The following MAGI2 variants were observed in gnomAD, a reference collection of about 807,000 sequenced individuals.
MAGI2 encodes the protein membrane-associated guanylate kinase, WW and PDZ domain-containing protein 2.
In MAGI2, 35 loss-of-function variants were observed where a neutral mutation model predicts 133.3. The observed-to-expected ratio is 0.26, with a 90% CI of 0.20 to 0.35. MAGI2 has a LOEUF of 0.35. MAGI2 is among the 10% of genes least tolerant of loss of function. The probability of loss-of-function intolerance (pLI) is 1.00; values close to 1 mark genes in which losing one functional copy is unlikely to be tolerated. For synonymous variants in MAGI2, 729 were observed against 710.6 expected (o/e 1.03, Z -0.41); for missense variants, 1,636 against 1,863.4 (o/e 0.88, Z 2.25).
intron 20 of MAGI2, among the ~76,000 whole-genome samples, chr7:78,105,881 T>C (rs546303721): frequency 1.1e-4 from 17 of 152,230 alleles, no homozygotes; most frequent in African/African-American, 4.1e-4. Flanking sequence ...ATTCTACTTA[T>C]ATTTTTAAAA....
chr7:79,285,994 G>A (rs1835969873), intron 1 of MAGI2, among the ~76,000 whole-genome samples: 1 of 152,064 alleles, frequency 6.6e-6, no homozygotes, highest in South Asian at 2.1e-4. Context: ...CTGACTTCAT[G>A]GGATCTACTG....
intron 1 of MAGI2, among the ~76,000 whole-genome samples, chr7:79,365,837 G>A (rs1253719935): frequency 1.5e-5 from 2 of 129,352 alleles, no homozygotes; most frequent in Non-Finnish European, 3.2e-5. Flanking sequence ...TCCAGCCTGG[G>A]TGATGGGTAA....
intron 1 of MAGI2, among the ~76,000 whole-genome samples, chr7:79,277,612 C>T (rs536924730): frequency 6.6e-6 from 1 of 152,210 alleles, no homozygotes; most frequent in East Asian, 1.9e-4. Context: ...CCTTAAGTGG[C>T]TCACAGTCTG....
intron 1 of MAGI2, among the ~76,000 whole-genome samples, chr7:79,020,820 G>A (rs985875437): frequency 5.9e-5 from 9 of 151,290 alleles, no homozygotes; most frequent in East Asian, 2.0e-4. Flanking sequence ...TAATCGCCAA[G>A]ACAATGGGGA....
intron 6 of MAGI2, among the ~76,000 whole-genome samples, chr7:78,473,367 C>G (rs1404228714): frequency 6.6e-6 from 1 of 152,074 alleles, no homozygotes; most frequent in East Asian, 1.9e-4. Context: ...TGCCTCTGTT[C>G]TCCTACAACT....
intron 6 of MAGI2, chr7:78,485,407 GAAGT>G (rs1792889245): frequency 6.6e-6 from 1 of 151,952 alleles, no homozygotes; most frequent in African/African-American, 2.4e-5. Context: ...GTGAGAGAAG[GAAGT>G]ATGTTTTTAT....
chr7:79,039,893 A>G (rs1811497714), intron 1 of MAGI2, among the ~76,000 whole-genome samples: 1 of 147,766 alleles, frequency 6.8e-6, no homozygotes, highest in Admixed American at 6.8e-5. Context: ...TAATATATAC[A>G]ATGAAATATT....
intron 21 of MAGI2, among the ~76,000 whole-genome samples, chr7:78,025,757 A>C (rs939865108): frequency 6.6e-6 from 1 of 152,226 alleles, no homozygotes; most frequent in Admixed American, 6.5e-5. Context: ...GGAGGAAGCC[A>C]GCCACAGAAA....
intron 9 of MAGI2, among the ~76,000 whole-genome samples, chr7:78,288,672 C>A (rs761002399): frequency 6.6e-6 from 1 of 152,220 alleles, no homozygotes; most frequent in Non-Finnish European, 1.5e-5. Context: ...CCCTGACTCC[C>A]AAGTAGCCTA....
chr7:78,238,098 A>G (rs1790741004), intron 10 of MAGI2, among the ~76,000 whole-genome samples: 2 of 151,962 alleles, frequency 1.3e-5, no homozygotes, highest in Admixed American at 1.3e-4. Flanking sequence ...CTTCCTCACA[A>G]GTTATGTGTT....
At chr7:78,125,008 C>T (rs546701508) in intron 20 of MAGI2, among the ~76,000 whole-genome samples, 77 of 152,110 alleles carry the variant, frequency 5.1e-4, no homozygotes, top group Non-Finnish European at 9.0e-4. Context: ...GGACTACAGG[C>T]GCCCGCCACC....
intron 21 of MAGI2, among the ~76,000 whole-genome samples, chr7:78,053,063 CA>C (rs1563057638): frequency 1.3e-5 from 2 of 152,116 alleles, no homozygotes; most frequent in Admixed American, 6.5e-5. Flanking sequence ...AAAATGGTTA[CA>C]TTTTTAAAAA....
intron 13 of MAGI2, among the ~76,000 whole-genome samples, chr7:78,181,868 T>A (rs1359918870): frequency 6.6e-6 from 1 of 152,244 alleles, no homozygotes. Flanking sequence ...GGGCTTCACA[T>A]GCTGTATGTT....
intron 3 of MAGI2, among the ~76,000 whole-genome samples, chr7:78,555,885 C>T (rs1353938522): frequency 6.6e-6 from 1 of 152,200 alleles, no homozygotes; most frequent in East Asian, 1.9e-4. Flanking sequence ...ACTCTTACCA[C>T]TAACCACTAC....
At chr7:79,082,931 T>C (rs1816171163) in intron 1 of MAGI2, among the ~76,000 whole-genome samples, 1 of 151,842 alleles carries the variant, frequency 6.6e-6, no homozygotes, top group South Asian at 2.1e-4. Flanking sequence ...TACTCAAGTA[T>C]TTTTACCTGA....
At chr7:78,244,246 G>A (rs1365594371) in intron 10 of MAGI2, among the ~76,000 whole-genome samples, 2 of 139,270 alleles carry the variant, frequency 1.4e-5, no homozygotes, top group African/African-American at 2.6e-5. Flanking sequence ...GAAACTGGAA[G>A]AAAAATGGAG....
chr7:78,409,427 A>C (rs542897679), intron 6 of MAGI2, among the ~76,000 whole-genome samples: 1 of 152,126 alleles, frequency 6.6e-6, no homozygotes, highest in Non-Finnish European at 1.5e-5. Flanking sequence ...CACGCCCAAC[A>C]GATTCCAAAG....
intron 1 of MAGI2, among the ~76,000 whole-genome samples, chr7:79,089,579 G>A (rs1279842697): frequency 6.6e-6 from 1 of 151,962 alleles, no homozygotes; most frequent in Non-Finnish European, 1.5e-5. Flanking sequence ...AAAAAAGACT[G>A]GATAAAGAAA....
chr7:78,566,945 T>G (rs948045232), intron 3 of MAGI2, among the ~76,000 whole-genome samples: 3 of 152,158 alleles, frequency 2.0e-5, no homozygotes, highest in African/African-American at 7.2e-5. Flanking sequence ...ATTTTAGATA[T>G]GGAAAGTAAT....
Sources: gnomAD v4.1 joint callset for allele counts (sites outside exome capture counted in the v4.1 genomes callset) on GRCh38, gnomAD v4.1.1 for gene constraint, MANE v1.5 for transcripts, NCBI Gene and HGNC (gene_info 2026-07-23, HGNC 2026-07-21) for gene names.